Variants in ARFGEF2 observed in about 807,000 individuals in gnomAD.
ARFGEF2 encodes the protein brefeldin A-inhibited guanine nucleotide-exchange protein 2.
Under a neutral mutation model 219.9 loss-of-function variants are expected in ARFGEF2, and 74 were observed. The ratio of observed to expected loss-of-function variants is 0.34; its 90% CI spans 0.28 to 0.41. The LOEUF is 0.41. Ranked by LOEUF, ARFGEF2 falls within the 10% of genes least tolerant of loss-of-function variation. The pLI is 1.00. For missense variants in ARFGEF2, 1,743 were observed against 2,218.3 expected (o/e 0.79, Z 4.30); for synonymous variants, 733 against 799.2 (o/e 0.92, Z 1.40).
intron 25 of ARFGEF2, among the ~76,000 whole-genome samples, chr20:49,002,726 C>T (rs766809592): frequency 6.6e-6 from 1 of 150,582 alleles, no homozygotes; most frequent in Non-Finnish European, 1.5e-5. Context: ...ATTCTCTTGC[C>T]TCAGCCTCCC....
chr20:48,980,744 C>G (rs2123441716), intron 14 of ARFGEF2, among the ~76,000 whole-genome samples: 1 of 152,272 alleles, frequency 6.6e-6, no homozygotes, highest in Admixed American at 6.5e-5. Flanking sequence ...TAATGGCCTT[C>G]TTTGTCTCTT....
At chr20:48,974,962 G>T in intron 13 of ARFGEF2, 88 bp downstream of exon 13, 1 of 1,186,826 alleles carries the variant, frequency 8.4e-7, no homozygotes, top group South Asian at 1.3e-5. Context: ...AGTTGTCTTA[G>T]AATTGAAAAA....
chr20:48,962,724 G>A (rs998756509), intron 6 of ARFGEF2, among the ~76,000 whole-genome samples: 1 of 152,120 alleles, frequency 6.6e-6, no homozygotes, highest in Non-Finnish European at 1.5e-5. Flanking sequence ...CACGTAGATA[G>A]TTCCAGAGTG....
chr20:48,968,833 A>G (rs1384089117), intron 8 of ARFGEF2, among the ~76,000 whole-genome samples: 1 of 152,170 alleles, frequency 6.6e-6, no homozygotes, highest in Non-Finnish European at 1.5e-5. Flanking sequence ...TGGCTTCTCC[A>G]TAGCTCCTAT....
intron 6 of ARFGEF2, among the ~76,000 whole-genome samples, chr20:48,960,402 T>A (rs1244545342): frequency 6.6e-6 from 1 of 152,168 alleles, no homozygotes; most frequent in Non-Finnish European, 1.5e-5. Flanking sequence ...TGAGTGAATG[T>A]GAAGGCCTGG....
At chr20:48,958,171 C>T (rs749590744) in intron 6 of ARFGEF2, among the ~76,000 whole-genome samples, 2 of 152,168 alleles carry the variant, frequency 1.3e-5, no homozygotes, top group Non-Finnish European at 2.9e-5. Context: ...CACACAAGCA[C>T]CTACATATAA....
chr20:48,953,530 TG>T, intron 5 of ARFGEF2, 25 bp from the exon 6 acceptor site: 1 of 1,602,716 alleles, frequency 6.2e-7, no homozygotes, highest in African/African-American at 1.3e-5. Context: ...ACCAAAATGC[TG>T]TATCCCCCTT....
chr20:48,923,163 G>A (rs1207787367), intron 1 of ARFGEF2, among the ~76,000 whole-genome samples: 1 of 152,122 alleles, frequency 6.6e-6, no homozygotes, highest in African/African-American at 2.4e-5. Flanking sequence ...CTTGGTGGGA[G>A]AATCCATGCA....
chr20:49,014,062 T>C lies in ARFGEF2; in HGVS notation c.4179+102T>C, dbSNP rs934199414. ...TGCATCATCGTCTACCCAGAGTTCT[T>C]AAATACTGAGCAACTTAAGGTTTTA... On this transcript the variant is annotated intron_variant, in intron 30 of 38. Coordinates refer to ENST00000371917, the MANE Select transcript of ARFGEF2 (RefSeq NM_006420.3). 1.4e-5 allele frequency: 21 copies of C among 1,484,606 alleles called. No individual in the cohort carries two copies. In the Admixed American group the frequency reaches 3.4e-4, roughly 24 times the overall value. The allele number at this position is 1,484,606 out of a possible 1,614,324, so 92.0% of individuals were successfully genotyped here.
intron 1 of ARFGEF2, among the ~76,000 whole-genome samples, chr20:48,934,623 T>C (rs2090935330): frequency 1.3e-5 from 2 of 152,192 alleles, no homozygotes; most frequent in Admixed American, 6.5e-5. Context: ...TCTGTTCCTA[T>C]GTTAGTTTGC....
Position 49,008,812 on chromosome 20 carries a change from A to G in ARFGEF2, c.3585-1420A>G, listed in dbSNP as rs187214725. Among the ~76,000 whole-genome samples the G allele has an allele frequency of 1.9e-3, 275 of 144,796 alleles. 1 individual carries two copies. The highest frequency in any genetic ancestry group is 6.7e-3 in the African/African-American group (259 of 38,874). 95.0% of individuals were successfully genotyped at this position (144,796 alleles called of 152,430 possible). On this transcript the variant is annotated intron_variant, in intron 26 of 38. Transcript: ENST00000371917. ...AATCTCTGCCTCCCAGGTTCAAACT[A>G]TTTTCCTCCCTCAGCCTCCCAAGTA...
rs1397575088 is a variant in ARFGEF2, at chr20:48,974,804, G to A, written c.1704G>A (p.Val568=). ...SLRKKGLECL[V]SILKCMVEWS... Reference sequence around the variant, plus strand: ...GGAAGAAAGGCCTGGAGTGCCTCGTGTCCATTCTCAAGTGCATGGTGGAGT... The same window carrying A: ...GGAAGAAAGGCCTGGAGTGCCTCGTATCCATTCTCAAGTGCATGGTGGAGT... Residue 568 remains valine (V), a synonymous_variant, in exon 13 of 39, where the codon GTG becomes GTA. Transcript: ENST00000371917. 1.2e-6 allele frequency: 2 copies of A among 1,613,940 alleles called. No individual in the cohort carries two copies. Among genetic ancestry groups the A allele is most frequent in the Non-Finnish European group, 1.7e-6 (2 of 1,179,940 alleles).
rs755141706 is a variant in ARFGEF2, at chr20:48,989,545, T to C, written c.2686-11T>C. On this transcript the variant is annotated splice_polypyrimidine_tract_variant and intron_variant, in intron 19 of 38. Coordinates refer to ENST00000371917, the MANE Select transcript of ARFGEF2 (RefSeq NM_006420.3). ...ACTCTGGATGTTATTGAAATCTTCC[T>C]TCCATGATAGCTGGTGTGGACGCCA... 6.2e-7 allele frequency: 1 copy of C among 1,614,246 alleles called. No homozygotes were observed. Among genetic ancestry groups the C allele is most frequent in the South Asian group, 1.1e-5 (1 of 91,088 alleles).
Position 48,998,184 on chromosome 20 carries a change from T to A in ARFGEF2, c.3222-9T>A, listed in dbSNP as rs558746601. The stretch of plus-strand genomic sequence containing the variant: ...CTAATGTTTATTTTGTCTGGAATTA[T>A]CTTCCTAGGATTTTTACTGGGTCTA... On this transcript the variant is annotated splice_polypyrimidine_tract_variant and intron_variant, in intron 23 of 38. Transcript: ENST00000371917. 3.7e-6 allele frequency: 6 copies of A among 1,613,936 alleles called. No homozygotes were observed. Among genetic ancestry groups the A allele is most frequent in the Non-Finnish European group, 5.1e-6 (6 of 1,179,838 alleles).
intron 20 of ARFGEF2, among the ~76,000 whole-genome samples, chr20:48,990,185 AAAT>A (rs953296128): frequency 6.6e-6 from 1 of 151,990 alleles, no homozygotes; most frequent in African/African-American, 2.4e-5. Context: ...ATCTCAAAGA[AAAT>A]AATAATAATA....
intron 23 of ARFGEF2, among the ~76,000 whole-genome samples, chr20:48,996,140 A>T (rs2091384809): frequency 6.6e-6 from 1 of 152,172 alleles, no homozygotes; most frequent in Admixed American, 6.5e-5. Flanking sequence ...AGTAGAAATT[A>T]TTTTTTTAAA....
At chr20:49,006,569 C>G (rs1212636751) in intron 26 of ARFGEF2, among the ~76,000 whole-genome samples, 1 of 152,112 alleles carries the variant, frequency 6.6e-6, no homozygotes, top group Non-Finnish European at 1.5e-5. Flanking sequence ...TCCAGGGCAG[C>G]CAGCTAACAT....
chr20:49,022,862 C>A (rs865812721), intron 34 of ARFGEF2, among the ~76,000 whole-genome samples, 189 bp from the exon 35 acceptor site: 1 of 151,902 alleles, frequency 6.6e-6, no homozygotes, highest in South Asian at 2.1e-4. Flanking sequence ...ATGCTGTAAT[C>A]CCAGCACTTT....
chr20:49,018,766 T>G, intron 33 of ARFGEF2, 118 bp from the exon 34 acceptor site: 1 of 760,414 alleles, frequency 1.3e-6, no homozygotes, highest in Non-Finnish European at 2.4e-6. Flanking sequence ...TCATTTTATT[T>G]TGAGCTAAGC....
Sources: gnomAD v4.1 joint callset for allele counts (sites outside exome capture counted in the v4.1 genomes callset) on GRCh38, gnomAD v4.1.1 for gene constraint, MANE v1.5 for transcripts, NCBI Gene and HGNC (gene_info 2026-07-23, HGNC 2026-07-21) for gene names.